DNAH12: variants seen among roughly 807,000 people sequenced by gnomAD.
The protein encoded by DNAH12 is dynein axonemal heavy chain 12.
DNAH12 carries 285 observed loss-of-function variants against 371.5 expected under a neutral mutation model. The ratio of observed to expected loss-of-function variants is 0.77; its 90% CI spans 0.70 to 0.85. The LOEUF is 0.85. Among genes scored for constraint, DNAH12 ranks in the 40% least tolerant of loss-of-function variants. DNAH12 has a pLI of 0.00. For missense variants in DNAH12, 3,611 were observed against 3,689.4 expected (o/e 0.98, Z 0.55); for synonymous variants, 1,200 against 1,213.0 (o/e 0.99, Z 0.22).
chr3:57,303,042 T>A lies in DNAH12; in HGVS notation c.11190-1103A>T, dbSNP rs551499245. On this transcript the variant is annotated intron_variant, in intron 69 of 73. Coordinates refer to ENST00000495027, the MANE Select transcript of DNAH12 (RefSeq NM_001366028.2). ...TCTTTTCATCATCATTTTTACATTT[T>A]AAAAAATACCCACTCAACTGGGCGT... Among the ~76,000 whole-genome samples the A allele has an allele frequency of 1.0e-3, 158 of 151,638 alleles. 1 individual carries two copies. Among genetic ancestry groups the A allele is most frequent in the African/African-American group, 3.7e-3 (155 of 41,370 alleles).
In DNAH12 at chr3:57,296,849, C is replaced by CA. The variant is rs2061243753; in HGVS notation, c.11529dup (p.Glu3844Ter). The CA allele has an allele frequency of 6.4e-7, 1 of 1,551,422 alleles. No homozygotes were observed. Among genetic ancestry groups the CA allele is most frequent in the East Asian group, 2.4e-5 (1 of 40,896 alleles). On this transcript the variant is annotated frameshift_variant, in exon 71 of 74. Coordinates refer to ENST00000495027, the MANE Select transcript of DNAH12 (RefSeq NM_001366028.2). LOFTEE classifies it high-confidence loss of function. The stretch of plus-strand genomic sequence containing the variant: ...TTGACTTTAAGGAGTTACTATACCT[C>CA]AAATTCATATCCTAGCAAATCAATA...
At chr3:57,375,182 A>G (rs1471237353) in intron 55 of DNAH12, among the ~76,000 whole-genome samples, 189 bp downstream of exon 55, 1 of 152,150 alleles carries the variant, frequency 6.6e-6, no homozygotes, top group Non-Finnish European at 1.5e-5. Flanking sequence ...ATTTTAAAAG[A>G]TGGGTTGACG....
At chr3:57,493,142 G>A (rs574015770) in intron 11 of DNAH12, among the ~76,000 whole-genome samples, 2 of 152,134 alleles carry the variant, frequency 1.3e-5, no homozygotes, top group South Asian at 4.1e-4. Context: ...AACATTTATT[G>A]TGTCTATTCT....
chr3:57,413,672 ATTATT>A, intron 39 of DNAH12, 69 bp downstream of exon 39: 1 of 1,420,894 alleles, frequency 7.0e-7, no homozygotes, highest in Non-Finnish European at 9.4e-7. Flanking sequence ...TGAAAAATGT[ATTATT>A]TTACTTTAAA....
intron 34 of DNAH12, among the ~76,000 whole-genome samples, chr3:57,426,073 G>A (rs924887781): frequency 2.6e-5 from 4 of 152,112 alleles, no homozygotes; most frequent in Non-Finnish European, 4.4e-5. Flanking sequence ...GAATTTGGAA[G>A]GAAAATGTAA....
intron 29 of DNAH12, among the ~76,000 whole-genome samples, chr3:57,441,939 T>A (rs2065318845): frequency 6.6e-6 from 1 of 151,916 alleles, no homozygotes; most frequent in Non-Finnish European, 1.5e-5. Flanking sequence ...GAAAAAATAT[T>A]AAAACAGCCA....
intron 58 of DNAH12, among the ~76,000 whole-genome samples, chr3:57,362,020 C>T (rs1015104560): frequency 6.6e-6 from 1 of 151,844 alleles, no homozygotes; most frequent in African/African-American, 2.4e-5. Flanking sequence ...CCACTCCCCC[C>T]ACCCCATGAC....
chr3:57,429,477 T>A (rs1028380514), intron 33 of DNAH12, among the ~76,000 whole-genome samples: 1 of 152,056 alleles, frequency 6.6e-6, no homozygotes, highest in African/African-American at 2.4e-5. Flanking sequence ...TGCCCAGCCA[T>A]CCTCTTCACA....
At chr3:57,423,843 A>G (rs1353776484) in intron 35 of DNAH12, among the ~76,000 whole-genome samples, 1 of 151,840 alleles carries the variant, frequency 6.6e-6, no homozygotes, top group African/African-American at 2.4e-5. Flanking sequence ...AGATGGAGCA[A>G]TTCTCCTGCC....
chr3:57,347,855 TA>T (rs2062579119), intron 60 of DNAH12, among the ~76,000 whole-genome samples: 1 of 152,046 alleles, frequency 6.6e-6, no homozygotes, highest in African/African-American at 2.4e-5. Flanking sequence ...GAAATACCAC[TA>T]AACACTATTA....
At chr3:57,498,214 A>C (rs954165144) in intron 11 of DNAH12, 1 of 345,162 alleles carries the variant, frequency 2.9e-6, no homozygotes, top group African/African-American at 2.1e-5. Context: ...TAAAAAGTAA[A>C]AGACTGATAA....
In DNAH12 at chr3:57,377,041, C is replaced by CA. The variant is rs1435134708; in HGVS notation, c.8404dup (p.Cys2802LeufsTer3). 3 of 152,176 alleles carry CA rather than the reference C, an allele frequency of 2.0e-5. No homozygotes were observed. Among genetic ancestry groups the CA allele is most frequent in the African/African-American group, 7.2e-5 (3 of 41,450 alleles). The allele number at this position is 152,176 out of a possible 1,614,324, so 9.4% of individuals were successfully genotyped here. A position where few individuals can be genotyped will look rare whatever the true frequency, so the allele number is the denominator to read the frequency against. On this transcript the variant is annotated frameshift_variant, in exon 53 of 74. Transcript: ENST00000495027. LOFTEE classifies it high-confidence loss of function. ...TGAGGCTCTTTCAAGCTTCTTAGCA[C>CA]AGAGTTCCACCTGGTCTTCTAAAGC...
chr3:57,375,192 G>A lies in DNAH12; in HGVS notation c.8759+179C>T, dbSNP rs890162380. 3.2e-3 allele frequency among the ~76,000 whole-genome samples: 483 copies of A among 152,234 alleles called. 4 individuals are homozygous for A. The highest frequency in any genetic ancestry group is 5.3e-3 in the Non-Finnish European group (360 of 67,990). ...AATGCATTTTAAAAGATGGGTTGAC[G>A]GAGTGATAGAGGGAAGGACAGGTAC... is the stretch of plus-strand genomic sequence containing the variant. On this transcript the variant is annotated intron_variant, in intron 55 of 73. Coordinates refer to ENST00000495027, the MANE Select transcript of DNAH12 (RefSeq NM_001366028.2).
At chr3:57,462,947 C>T (rs950132305) in intron 17 of DNAH12, 72 bp from the exon 18 acceptor site, 1 of 1,029,116 alleles carries the variant, frequency 9.7e-7, no homozygotes, top group Non-Finnish European at 1.4e-6. Context: ...ATAGATGAAG[C>T]CTTGATGATA....
intron 70 of DNAH12, chr3:57,297,315 G>T: frequency 3.9e-6 from 1 of 258,932 alleles, no homozygotes. Context: ...CTTACACATT[G>T]TCTAATTATA....
intron 60 of DNAH12, among the ~76,000 whole-genome samples, chr3:57,336,658 G>A (rs1481160169): frequency 1.3e-5 from 2 of 152,072 alleles, no homozygotes; most frequent in East Asian, 1.9e-4. Context: ...TAACTTTGTA[G>A]GTAAACATAA....
At chr3:57,382,514 GTTT>G (rs36129650) in intron 49 of DNAH12, 121 bp from the exon 50 acceptor site, 4 of 148,746 alleles carry the variant, frequency 2.7e-5, no homozygotes, top group Non-Finnish European at 4.5e-5. Flanking sequence ...TGAAATCAAA[GTTT>G]TTTTTTTTTC....
chr3:57,335,744 T>A (rs2062208113), intron 60 of DNAH12, among the ~76,000 whole-genome samples: 1 of 152,220 alleles, frequency 6.6e-6, no homozygotes, highest in East Asian at 1.9e-4. Context: ...GGCACATGAC[T>A]GTACTAAGAG....
chr3:57,296,581 T>C (rs1044081850), intron 71 of DNAH12, 146 bp from the exon 72 acceptor site: 2 of 774,970 alleles, frequency 2.6e-6, no homozygotes, highest in Non-Finnish European at 4.0e-6. Flanking sequence ...AGCCGTAGTT[T>C]GTAAAAAAGT....
Sources: allele counts gnomAD v4.1 joint callset (sites outside exome capture counted in the v4.1 genomes callset), GRCh38; gene constraint gnomAD v4.1.1; transcripts MANE v1.5; gene names NCBI Gene and HGNC (gene_info 2026-07-23, HGNC 2026-07-21).